GARNL3: variants seen among roughly 807,000 people sequenced by gnomAD.
The protein encoded by GARNL3 is GTPase-activating Rap/Ran-GAP domain-like protein 3.
In GARNL3, 63 loss-of-function variants were observed where a neutral mutation model predicts 125.0. That is an observed-to-expected ratio of 0.50 (90% CI 0.41 to 0.62). GARNL3 has a LOEUF of 0.62. Ranked by LOEUF, GARNL3 falls within the 20% of genes least tolerant of loss-of-function variation. GARNL3 has a pLI of 0.00. For missense variants in GARNL3, 994 were observed against 1,244.0 expected (o/e 0.80, Z 3.02); for synonymous variants, 439 against 457.5 (o/e 0.96, Z 0.52).
rs551952268 is a variant in GARNL3 at position 127,294,477 on chromosome 9, T to C, written c.219+3235T>C. ...AGCCACCATGCCTAGCTAATTTTTGTATTTTTAGTAGAGATGGGATTTCAC... is the reference window on the plus strand; with the variant it reads ...AGCCACCATGCCTAGCTAATTTTTGCATTTTTAGTAGAGATGGGATTTCAC... On this transcript the variant is annotated intron_variant, in intron 2 of 27. Transcript: ENST00000373387. Among the ~76,000 whole-genome samples, 7 of 152,308 alleles carry C rather than the reference T, an allele frequency of 4.6e-5. No individual in the cohort carries two copies. In the East Asian group the frequency reaches 1.4e-3, roughly 29 times the overall value.
At chr9:127,276,217 G>C (rs1588734300) in intron 1 of GARNL3, among the ~76,000 whole-genome samples, 1 of 151,510 alleles carries the variant, frequency 6.6e-6, no homozygotes, top group Non-Finnish European at 1.5e-5. Context: ...CGGACTCCTG[G>C]TCTCAAGTTA....
chr9:127,258,865 T>A (rs762822005), upstream of GARNL3, among the ~76,000 whole-genome samples: 4 of 152,216 alleles, frequency 2.6e-5, no homozygotes, highest in African/African-American at 4.8e-5. Flanking sequence ...TTTCTTACTG[T>A]CTGCCTATCG....
chr9:127,315,940 T>C (rs1011748880), intron 4 of GARNL3, among the ~76,000 whole-genome samples: 1 of 152,234 alleles, frequency 6.6e-6, no homozygotes, highest in African/African-American at 2.4e-5. Context: ...TGTGCACTTC[T>C]GCATCCTTGC....
chr9:127,237,446 C>A (rs1288037190), intron 1 of GARNL3, among the ~76,000 whole-genome samples: 2 of 152,190 alleles, frequency 1.3e-5, no homozygotes, highest in African/African-American at 2.4e-5. Flanking sequence ...AAATCACGTC[C>A]AGAACTCTAC....
chr9:127,338,062 G>A, intron 11 of GARNL3, 54 bp from the exon 12 acceptor site: 2 of 1,319,906 alleles, frequency 1.5e-6, no homozygotes, highest in East Asian at 2.3e-5. Flanking sequence ...CAGAGCGCAA[G>A]CTGTCAGTCG....
chr9:127,311,330 G>A (rs565057916), intron 2 of GARNL3, among the ~76,000 whole-genome samples: 7 of 152,164 alleles, frequency 4.6e-5, no homozygotes, highest in East Asian at 1.9e-4. Context: ...GGTTCCTCTA[G>A]GGGGCACCAA....
In GARNL3 at chr9:127,365,532, G is replaced by C. The variant is rs572658469; in HGVS notation, c.2161+166G>C. Among the ~76,000 whole-genome samples, 129 of 151,862 alleles carry C rather than the reference G, an allele frequency of 8.5e-4. 1 individual carries two copies. Among genetic ancestry groups the C allele is most frequent in the Non-Finnish European group, 1.6e-3 (107 of 67,976 alleles). On this transcript the variant is annotated intron_variant, in intron 22 of 27. Coordinates refer to ENST00000373387, the MANE Select transcript of GARNL3 (RefSeq NM_032293.5). ...AAATACCTTCCTCCCTGAGTCTCCC[G>C]CTGCGCACCAGGCCTCTTGGTGACA...
chr9:127,318,003 G>A (rs2065288049), intron 4 of GARNL3, 60 bp from the exon 5 acceptor site: 1 of 975,994 alleles, frequency 1.0e-6, no homozygotes, highest in Admixed American at 1.7e-5. Flanking sequence ...GACCCGAGAG[G>A]CTCTTTTGGA....
intron 2 of GARNL3, among the ~76,000 whole-genome samples, chr9:127,255,909 C>T (rs1284320995): frequency 6.6e-6 from 1 of 152,088 alleles, no homozygotes; most frequent in Non-Finnish European, 1.5e-5. Flanking sequence ...ACACCTGTTC[C>T]AAATAGTAGG....
intron 1 of GARNL3, among the ~76,000 whole-genome samples, chr9:127,277,073 G>A (rs189904317): frequency 4.1e-4 from 62 of 152,338 alleles, no homozygotes; most frequent in African/African-American, 1.4e-3. Context: ...GTTACAGGCT[G>A]CTCCAGTGCC....
At chr9:127,231,050 A>ATTTTTTT (rs71308298) in intron 1 of GARNL3, among the ~76,000 whole-genome samples, 14 of 89,548 alleles carry the variant, frequency 1.6e-4, no homozygotes, top group African/African-American at 1.1e-3. Context: ...ATATATATAT[A>ATTTTTTT]TTTTTTTTTT....
In GARNL3 at chr9:127,381,060, G is replaced by T. The variant is rs1034132889; in HGVS notation, c.2162-2378G>T. Among the ~76,000 whole-genome samples the T allele has an allele frequency of 6.6e-5, 10 of 152,178 alleles. No homozygotes were observed. In the East Asian group the frequency reaches 1.9e-3, roughly 29 times the overall value. On this transcript the variant is annotated intron_variant, in intron 22 of 27. Coordinates refer to ENST00000373387, the MANE Select transcript of GARNL3 (RefSeq NM_032293.5). ...CGCCCAGCTGATTTTTGTATTTTTG[G>T]TAGAGATAGAGTTTCACCATGTTGG...
At position 127,364,336 on chromosome 9, in the gene GARNL3, A is replaced by G. The variant is rs916710001; in HGVS notation, c.2095-964A>G. 2 of 152,530 alleles carry G rather than the reference A, an allele frequency of 1.3e-5. No homozygotes were observed. Among genetic ancestry groups the G allele is most frequent in the Non-Finnish European group, 2.9e-5 (2 of 68,256 alleles). 9.4% of individuals were successfully genotyped at this position (152,530 alleles called of 1,614,324 possible). ...GGTGGGAGAGAGGGCAGGAGGCAGA[A>G]GATGTCACCCATCAGAGGCTGCAGA... On this transcript the variant is annotated intron_variant, in intron 21 of 27. Coordinates refer to ENST00000373387, the MANE Select transcript of GARNL3 (RefSeq NM_032293.5). The surrounding 1 kb of genome is among the most constrained non-coding windows in gnomAD (Gnocchi z 4.2).
intron 22 of GARNL3, among the ~76,000 whole-genome samples, chr9:127,368,502 G>A (rs542506920): frequency 1.5e-4 from 23 of 151,242 alleles, no homozygotes; most frequent in African/African-American, 5.6e-4. Context: ...GGCCAATTTT[G>A]TATTTTTAGT....
chr9:127,253,375 G>A (rs1190156734), intron 2 of GARNL3, among the ~76,000 whole-genome samples: 2 of 152,214 alleles, frequency 1.3e-5, no homozygotes, highest in Non-Finnish European at 2.9e-5. Context: ...TGGCCCCAAA[G>A]GACTGGCTGG....
chr9:127,346,461 G>A (rs952417875), intron 16 of GARNL3, among the ~76,000 whole-genome samples: 10 of 152,156 alleles, frequency 6.6e-5, no homozygotes, highest in African/African-American at 2.2e-4. Context: ...TACTGGAAAA[G>A]CATCCTTCCC....
chr9:127,225,793 C>CCGCCGCGGCCCGG, intron 1 of GARNL3, among the ~76,000 whole-genome samples: 2 of 146,618 alleles, frequency 1.4e-5, no homozygotes, highest in African/African-American at 2.5e-5. Context: ...ACACCTGCTG[C>CCGCCGCGGCCCGG]CTCCGCGGCC....
At chr9:127,290,100 G>T (rs894973794) in intron 1 of GARNL3, among the ~76,000 whole-genome samples, 1 of 151,984 alleles carries the variant, frequency 6.6e-6, no homozygotes, top group East Asian at 1.9e-4. Context: ...TCATAAATGA[G>T]AATAATAATA....
At position 127,391,194 on chromosome 9, in the gene GARNL3, A is replaced by G. The variant is rs569168414; in HGVS notation, c.2870+427A>G. 1.7e-4 allele frequency among the ~76,000 whole-genome samples: 26 copies of G among 151,984 alleles called. No homozygotes were observed. The South Asian group carries it at 4.6e-3, about 27-fold the overall frequency. On this transcript the variant is annotated intron_variant, in intron 27 of 27. Coordinates refer to ENST00000373387, the MANE Select transcript of GARNL3 (RefSeq NM_032293.5). Reference sequence around the variant, plus strand: ...CAGCTACTTGGGAGGTTGAGGCAGAAGAATCGCTTGAACATGAGAGGCGGA... The same window carrying G: ...CAGCTACTTGGGAGGTTGAGGCAGAGGAATCGCTTGAACATGAGAGGCGGA...
Sources: gnomAD v4.1 joint callset for allele counts (sites outside exome capture counted in the v4.1 genomes callset) on GRCh38, gnomAD v4.1.1 for gene constraint, Gnocchi (gnomAD v3.1) non-coding constraint, MANE v1.5 for transcripts, NCBI Gene and HGNC (gene_info 2026-07-23, HGNC 2026-07-21) for gene names.